Variants in CREB1 observed in about 807,000 individuals in gnomAD.
CREB1 encodes cAMP responsive element binding protein 1, also known as cyclic AMP-responsive element-binding protein 1.
A neutral mutation model predicts 42.0 loss-of-function variants in CREB1; 2 were observed. The observed-to-expected ratio is 0.05, with a 90% confidence interval of 0.02 to 0.15. The LOEUF (loss-of-function observed/expected upper bound fraction) is 0.15. Ranked by LOEUF, CREB1 falls within the 10% of genes least tolerant of loss-of-function variation. The probability of loss-of-function intolerance (pLI) is 1.00; values close to 1 mark genes in which losing one functional copy is unlikely to be tolerated. For missense variants in CREB1, 199 were observed against 388.9 expected (o/e 0.51, Z 4.11); for synonymous variants, 123 against 139.9 (o/e 0.88, Z 0.85).
At chr2:207,571,765 G>C (rs1173948206) in intron 5 of CREB1, 2 of 454,602 alleles carry the variant, frequency 4.4e-6, no homozygotes, top group South Asian at 3.1e-5. Context: ...ACTCCTGTCA[G>C]TAACAGATTC....
At chr2:207,591,912 T>C (rs1223948190) in intron 7 of CREB1, among the ~76,000 whole-genome samples, 1 of 152,214 alleles carries the variant, frequency 6.6e-6, no homozygotes, top group Non-Finnish European at 1.5e-5. Flanking sequence ...TAGAAATTTT[T>C]AATTTTACAT....
chr2:207,591,208 C>A (rs537481604), intron 7 of CREB1, among the ~76,000 whole-genome samples: 20 of 152,202 alleles, frequency 1.3e-4, no homozygotes, highest in African/African-American at 4.8e-4. Context: ...TCATCACTGA[C>A]AGGAGAGTGT....
intron 1 of CREB1, among the ~76,000 whole-genome samples, chr2:207,530,732 G>T (rs995832396): frequency 6.6e-6 from 1 of 151,906 alleles, no homozygotes; most frequent in African/African-American, 2.4e-5. Context: ...GGTGGCTTCG[G>T]TGCCTGCCAT....
chr2:207,591,167 T>C (rs930473583), intron 7 of CREB1, among the ~76,000 whole-genome samples: 5 of 152,196 alleles, frequency 3.3e-5, no homozygotes, highest in Admixed American at 6.5e-5. Context: ...TTTCTACTTA[T>C]TCTGTCATCT....
intron 7 of CREB1, among the ~76,000 whole-genome samples, chr2:207,590,397 G>T (rs1256840784): frequency 2.6e-5 from 4 of 151,520 alleles, no homozygotes; most frequent in African/African-American, 9.7e-5. Context: ...TTTGTTGATT[G>T]TTTTTAAGCA....
intron 1 of CREB1, among the ~76,000 whole-genome samples, chr2:207,552,185 C>T (rs1039355227): frequency 6.6e-6 from 1 of 151,490 alleles, no homozygotes; most frequent in Admixed American, 6.6e-5. Flanking sequence ...AAAGAAATAT[C>T]GAGTTGTGGA....
chr2:207,554,058 A>G (rs2081620394), intron 1 of CREB1, among the ~76,000 whole-genome samples: 1 of 152,176 alleles, frequency 6.6e-6, no homozygotes, highest in African/African-American at 2.4e-5. Context: ...AAAATTTTAC[A>G]GTGAATACTG....
intron 1 of CREB1, among the ~76,000 whole-genome samples, chr2:207,540,315 A>G (rs1217954388): frequency 1.3e-5 from 2 of 152,152 alleles, no homozygotes; most frequent in Non-Finnish European, 2.9e-5. Context: ...GTGTAGGCCT[A>G]GGCTAACGTG....
At chr2:207,537,760 C>T (rs1420988283) in intron 1 of CREB1, among the ~76,000 whole-genome samples, 1 of 152,138 alleles carries the variant, frequency 6.6e-6, no homozygotes, top group Non-Finnish European at 1.5e-5. Context: ...GTCTTATCTA[C>T]TGGGTTTTTT....
chr2:207,544,177 G>C (rs1451269378), intron 1 of CREB1, among the ~76,000 whole-genome samples: 2 of 152,196 alleles, frequency 1.3e-5, no homozygotes, highest in African/African-American at 4.8e-5. Flanking sequence ...AAAGTGCTGG[G>C]ATTACAGGCG....
chr2:207,569,395 G>A (rs929014676), intron 4 of CREB1, among the ~76,000 whole-genome samples: 5 of 152,136 alleles, frequency 3.3e-5, no homozygotes, highest in African/African-American at 4.8e-5. Context: ...ATGTATGAGA[G>A]TGTGGTGTTT....
intron 1 of CREB1, among the ~76,000 whole-genome samples, chr2:207,545,052 T>C (rs2081245207): frequency 6.6e-6 from 1 of 152,216 alleles, no homozygotes; most frequent in African/African-American, 2.4e-5. Flanking sequence ...TATAATAGAA[T>C]GATTTATATT....
At chr2:207,577,411 A>C (rs1484718931) in intron 6 of CREB1, 94 bp from the exon 7 acceptor site, 1 of 1,466,492 alleles carries the variant, frequency 6.8e-7, no homozygotes, top group Non-Finnish European at 9.2e-7. Flanking sequence ...TTTCCCTTTT[A>C]GTCCAAAATA....
At position 207,560,217 on chromosome 2, in the gene CREB1, A is replaced by C. The variant is rs1020237010; in HGVS notation, c.115-9A>C. ...GGATGATAATTCTTTTCTGTGTTCAACACCATAGGTATCTATGCCAGCAGC... is the reference window on the plus strand; with the variant it reads ...GGATGATAATTCTTTTCTGTGTTCACCACCATAGGTATCTATGCCAGCAGC... On this transcript the variant is annotated splice_polypyrimidine_tract_variant and intron_variant, in intron 2 of 7. Coordinates refer to ENST00000353267, the MANE Select transcript of CREB1 (RefSeq NM_004379.5). 4.4e-6 allele frequency: 7 copies of C among 1,589,054 alleles called. No individual in the cohort carries two copies. The highest frequency in any genetic ancestry group is 6.0e-6 in the Non-Finnish European group (7 of 1,162,410).
chr2:207,530,707 G>A (rs2080575806), intron 1 of CREB1, among the ~76,000 whole-genome samples: 1 of 151,758 alleles, frequency 6.6e-6, no homozygotes, highest in Non-Finnish European at 1.5e-5. Flanking sequence ...AGGTGAAGGT[G>A]CCTGCTGCCT....
rs549571745 is a variant in CREB1 at position 207,537,531 on chromosome 2, A to T, written c.-9+7397A>T. 3.8e-4 allele frequency among the ~76,000 whole-genome samples: 58 copies of T among 152,330 alleles called. 1 individual carries two copies. Among genetic ancestry groups the T allele is most frequent in the South Asian group, 1.0e-3 (5 of 4,832 alleles). On this transcript the variant is annotated intron_variant, in intron 1 of 7. Coordinates refer to ENST00000353267, the MANE Select transcript of CREB1 (RefSeq NM_004379.5). ...AGATCATTAAAGCAGCAAACTGATA[A>T]TGTGAACGTGGTTGTTTTTTCTCTG...
In CREB1 at chr2:207,553,062, C is replaced by CT. The variant is rs10561230; in HGVS notation, c.-8-2542dup. 7.7e-3 allele frequency among the ~76,000 whole-genome samples: 486 copies of CT among 63,218 alleles called. 27 individuals are homozygous for CT. Among genetic ancestry groups the CT allele is most frequent in the African/African-American group, 0.026 (441 of 17,212 alleles). The allele number at this position is 63,218 out of a possible 152,430, so 41.5% of individuals were successfully genotyped here. ...AAATTACGGATAACTTACAGGTAGA[C>CT]TTTTTTTTTTTTTTTTTTTTTTTTG... On this transcript the variant is annotated intron_variant, in intron 1 of 7. Coordinates refer to ENST00000353267, the MANE Select transcript of CREB1 (RefSeq NM_004379.5).
chr2:207,536,107 C>T (rs930881583), intron 1 of CREB1, among the ~76,000 whole-genome samples: 2 of 152,140 alleles, frequency 1.3e-5, no homozygotes, highest in African/African-American at 4.8e-5. Flanking sequence ...GCCACCATGC[C>T]CGAATGCTGT....
At chr2:207,571,957 C>T (rs949265699) in intron 5 of CREB1, among the ~76,000 whole-genome samples, 12 of 152,074 alleles carry the variant, frequency 7.9e-5, no homozygotes, top group East Asian at 1.9e-4. Context: ...AGCCAGGCGC[C>T]GTGGCTCTCG....
Sources: gnomAD v4.1 joint callset for allele counts (sites outside exome capture counted in the v4.1 genomes callset) on GRCh38, gnomAD v4.1.1 for gene constraint, MANE v1.5 for transcripts, NCBI Gene and HGNC (gene_info 2026-07-23, HGNC 2026-07-21) for gene names.